EBF3: variants seen among roughly 807,000 people sequenced by gnomAD.
The protein encoded by EBF3 is transcription factor COE3.
Under a neutral mutation model 77.1 loss-of-function variants are expected in EBF3, and 18 were observed. The observed-to-expected ratio is 0.23, with a 90% CI of 0.16 to 0.35. EBF3 has a LOEUF of 0.35. Among genes scored for constraint, EBF3 ranks in the 10% least tolerant of loss-of-function variants. EBF3 has a pLI of 1.00. For synonymous variants in EBF3, 350 were observed against 343.5 expected (o/e 1.02, Z -0.21); for missense variants, 558 against 860.0 (o/e 0.65, Z 4.39).
In EBF3 at chr10:129,839,094, C is replaced by A; in HGVS notation, c.1861G>T (p.Gly621Ter). The A allele has an allele frequency of 7.7e-7, 1 of 1,304,498 alleles. No homozygotes were observed. The highest frequency in any genetic ancestry group is 1.0e-6 in the Non-Finnish European group (1 of 988,996). 80.8% of individuals were successfully genotyped at this position (1,304,498 alleles called of 1,614,324 possible). The change falls in exon 16 of 17, where the codon GGA (glycine) becomes TGA (stop). Residue 621 changes from glycine (G) to a stop codon, truncating the protein, a stop_gained. Transcript: ENST00000440978. LOFTEE classifies it high-confidence loss of function. ...FHFDELMLKK[G>*]TGKLCLGW ...CAAATCACTGATACCTTTCCAGTTCCTTTTTTGAGCATTAGTTCATCAAAG... is the reference window on the plus strand; with the variant it reads ...CAAATCACTGATACCTTTCCAGTTCATTTTTTGAGCATTAGTTCATCAAAG...
Position 129,919,940 on chromosome 10 carries a change from C to T in EBF3, c.554+37318G>A, listed in dbSNP as rs149785841. Among the ~76,000 whole-genome samples the T allele has an allele frequency of 2.2e-3, 339 of 152,014 alleles. 2 individuals are homozygous for T. Among genetic ancestry groups the T allele is most frequent in the African/African-American group, 7.4e-3 (307 of 41,316 alleles). On this transcript the variant is annotated intron_variant, in intron 6 of 16. Coordinates refer to ENST00000440978, the MANE Select transcript of EBF3 (RefSeq NM_001375380.1). ...GACAGAACAGCACAAGAGAGAAAGC[C>T]GCCCGCCCACAAGCCCACCCCGCTG...
Position 129,840,499 on chromosome 10 carries a change from A to G in EBF3, c.1562-57T>C, listed in dbSNP as rs925653558. On this transcript the variant is annotated intron_variant, in intron 14 of 16. Coordinates refer to ENST00000440978, the MANE Select transcript of EBF3 (RefSeq NM_001375380.1). ...GGCCGCGGCACAGCGCCACGGCGAG[A>G]GGGCACCAAAGGCCTCGCCTCGGAC... 9 of 1,519,600 alleles carry G rather than the reference A, an allele frequency of 5.9e-6. No individual in the cohort carries two copies. In the East Asian group the frequency reaches 1.5e-4, roughly 25 times the overall value. The allele number at this position is 1,519,600 out of a possible 1,614,324, so 94.1% of individuals were successfully genotyped here.
intron 4 of EBF3, among the ~76,000 whole-genome samples, chr10:129,961,208 A>T (rs969201117): frequency 6.6e-6 from 1 of 152,262 alleles, no homozygotes; most frequent in Non-Finnish European, 1.5e-5. Flanking sequence ...AAAACCGAAG[A>T]AGCCACTTTC....
chr10:129,937,978 C>G (rs550132583), intron 6 of EBF3, among the ~76,000 whole-genome samples: 16 of 152,344 alleles, frequency 1.1e-4, no homozygotes, highest in Middle Eastern at 3.4e-3. Context: ...CATGGGTACA[C>G]TTTCACAAAA....
chr10:129,908,965 A>C (rs1855332667), intron 6 of EBF3, among the ~76,000 whole-genome samples: 1 of 152,368 alleles, frequency 6.6e-6, no homozygotes, highest in South Asian at 2.1e-4. Flanking sequence ...TTCTTTTAAT[A>C]AGCAAACCGT....
Position 129,842,106 on chromosome 10 carries a change from G to A in EBF3, c.1372+10C>T. On this transcript the variant is annotated intron_variant, in intron 13 of 16. Transcript: ENST00000440978. The surrounding 1 kb of genome is among the most constrained non-coding windows in gnomAD (Gnocchi z 4.4). The stretch of plus-strand genomic sequence containing the variant: ...TTCAGGGCAGGGGTCCTCCCAGCAT[G>A]CTGGCATACCTTGGTCGTTGGCTTG... 1.2e-6 allele frequency: 2 copies of A among 1,614,204 alleles called. No homozygotes were observed. Among genetic ancestry groups the A allele is most frequent in the Non-Finnish European group, 8.5e-7 (1 of 1,180,026 alleles).
At position 129,943,063 on chromosome 10, in the gene EBF3, A is replaced by T. The variant is rs79921188; in HGVS notation, c.554+14195T>A. ...CAGATACAACCGATTCCTGTCCTCC[A>T]TTCTAAACCACTTTGCCTGCACGAT... On this transcript the variant is annotated intron_variant, in intron 6 of 16. Transcript: ENST00000440978. The surrounding 1 kb of genome is among the most constrained non-coding windows in gnomAD (Gnocchi z 8.8). Among the ~76,000 whole-genome samples, 6,705 of 152,312 alleles carry T rather than the reference A, an allele frequency of 0.044. 217 individuals carry two copies. Among genetic ancestry groups the T allele is most frequent in the Middle Eastern group, 0.089 (26 of 292 alleles).
chr10:129,906,989 C>T (rs1269114219), intron 6 of EBF3, among the ~76,000 whole-genome samples: 1 of 152,162 alleles, frequency 6.6e-6, no homozygotes, highest in African/African-American at 2.4e-5. Flanking sequence ...TGAAAGTTGC[C>T]ACAGTTCAAA....
intron 5 of EBF3, among the ~76,000 whole-genome samples, chr10:129,958,118 T>G (rs924156631): frequency 2.6e-5 from 4 of 152,232 alleles, no homozygotes; most frequent in African/African-American, 9.6e-5. Context: ...TGGTTGTAAT[T>G]TATATTTATT....
At chr10:129,950,850 C>G (rs1858623681) in intron 6 of EBF3, among the ~76,000 whole-genome samples, 2 of 152,220 alleles carry the variant, frequency 1.3e-5, no homozygotes, top group Admixed American at 6.5e-5. Flanking sequence ...TTTTCATTTT[C>G]TCCAAGTGTA....
chr10:129,917,373 A>G (rs916300344), intron 6 of EBF3, among the ~76,000 whole-genome samples: 1 of 151,990 alleles, frequency 6.6e-6, no homozygotes, highest in Non-Finnish European at 1.5e-5. Flanking sequence ...CGTCTCAAGG[A>G]AAAAAAACAA....
Position 129,963,518 on chromosome 10 carries a change from A to C in EBF3, c.140T>G (p.Val47Gly). Reference sequence around the variant, plus strand: ...CTCGAAGTGCGCCCGCGCCAGCCCCACGCCGCTGCGGGAGGAAAGAGACAG... The same window carrying C: ...CTCGAAGTGCGCCCGCGCCAGCCCCCCGCCGCTGCGGGAGGAAAGAGACAG... ...VDANTAAQSG[V>G]GLARAHFEKQ... The change falls in exon 2 of 17, where the codon GTG becomes GGG. Residue 47 changes from valine (V) to glycine (G), a missense_variant. By Grantham distance (109) the Val-to-Gly change is moderately radical. Transcript: ENST00000440978. This position sits in a 1 kb window ranked among gnomAD's most constrained non-coding sequence, Gnocchi z 7.1. The C allele has an allele frequency of 2.6e-6, 4 of 1,541,414 alleles. No individual in the cohort carries two copies. The highest frequency in any genetic ancestry group is 1.8e-6 in the Non-Finnish European group (2 of 1,142,474).
At chr10:129,896,252 C>T (rs1249011409) in intron 6 of EBF3, among the ~76,000 whole-genome samples, 6 of 152,226 alleles carry the variant, frequency 3.9e-5, no homozygotes, top group Non-Finnish European at 5.9e-5. Flanking sequence ...AAACCCAGGC[C>T]GGCTGCCGGA....
intron 7 of EBF3, among the ~76,000 whole-genome samples, chr10:129,875,361 A>T (rs1478334114): frequency 6.6e-6 from 1 of 151,846 alleles, no homozygotes; most frequent in African/African-American, 2.4e-5. Context: ...GCACCTGGCT[A>T]ATTTTTTGGC....
chr10:129,881,943 A>G (rs1853242032), intron 6 of EBF3, among the ~76,000 whole-genome samples: 1 of 152,222 alleles, frequency 6.6e-6, no homozygotes, highest in East Asian at 1.9e-4. Context: ...CAGAGTCCCA[A>G]CAAAAAACTC....
At chr10:129,898,955 G>C (rs895408402) in intron 6 of EBF3, among the ~76,000 whole-genome samples, 1 of 152,206 alleles carries the variant, frequency 6.6e-6, no homozygotes, top group Non-Finnish European at 1.5e-5. Context: ...AGGAGAAGAC[G>C]TTTTTGGTGT....
At chr10:129,961,194 C>A (rs1859490185) in intron 4 of EBF3, among the ~76,000 whole-genome samples, 1 of 152,226 alleles carries the variant, frequency 6.6e-6, no homozygotes, top group African/African-American at 2.4e-5. Flanking sequence ...TTAAAGTTAG[C>A]ATCAAAACCG....
chr10:129,858,835 A>G (rs991310912), intron 10 of EBF3, among the ~76,000 whole-genome samples: 7 of 152,132 alleles, frequency 4.6e-5, no homozygotes, highest in Non-Finnish European at 1.0e-4. Flanking sequence ...GGGCTATCTC[A>G]AGAGTGCAGG....
intron 5 of EBF3, among the ~76,000 whole-genome samples, chr10:129,958,479 A>T (rs1859208856): frequency 6.6e-6 from 1 of 152,208 alleles, no homozygotes; most frequent in Non-Finnish European, 1.5e-5. Flanking sequence ...TCTAGGGAAG[A>T]GGTTAACTGA....
Sources: allele counts gnomAD v4.1 joint callset (sites outside exome capture counted in the v4.1 genomes callset), GRCh38; gene constraint gnomAD v4.1.1; non-coding constraint Gnocchi (gnomAD v3.1); transcripts MANE v1.5; gene names NCBI Gene and HGNC (gene_info 2026-07-23, HGNC 2026-07-21).